Variants in TIMM10B observed in about 807,000 individuals in gnomAD.
TIMM10B encodes the protein mitochondrial import inner membrane translocase subunit Tim10 B.
TIMM10B carries 17 observed loss-of-function variants against 12.6 expected under a neutral mutation model. The observed-to-expected ratio is 1.35, with a 90% CI of 0.92 to 2.03. The LOEUF is 2.03. Ranked by LOEUF, TIMM10B falls within the 30% of genes most tolerant of loss-of-function variation. The pLI, the probability that TIMM10B is intolerant of heterozygous loss-of-function variation, is 0.00. For missense variants in TIMM10B, 165 were observed against 133.3 expected, an observed-to-expected ratio of 1.24 and a Z score of -1.17; for synonymous variants, 63 against 51.3, an observed-to-expected ratio of 1.23 and a Z score of -0.97.
At position 6,483,087 on chromosome 11, in the gene TIMM10B, A is replaced by G. The variant is rs1241527565; in HGVS notation, c.*866A>G. The stretch of plus-strand genomic sequence containing the variant: ...GTCTGTGTGGTTGTCTTCACGGGCA[A>G]TCAGGAAGGGAGAGAGCTGGGGACC... On this transcript the variant is annotated 3_prime_UTR_variant, in exon 3 of 3. Coordinates refer to ENST00000254616, the MANE Select transcript of TIMM10B (RefSeq NM_012192.4). 2.0e-5 allele frequency: 3 copies of G among 152,236 alleles called. No individual in the cohort carries two copies. Among genetic ancestry groups the G allele is most frequent in the Admixed American group, 6.5e-5 (1 of 15,276 alleles). The allele number at this position is 152,236 out of a possible 1,614,324, so 9.4% of individuals were successfully genotyped here.
chr11:6,482,836 C>T lies in TIMM10B; in HGVS notation c.*615C>T, dbSNP rs900903783. 3 of 152,254 alleles carry T rather than the reference C, an allele frequency of 2.0e-5. No homozygotes were observed. Among genetic ancestry groups the T allele is most frequent in the African/African-American group, 7.2e-5 (3 of 41,416 alleles). The allele number at this position is 152,254 out of a possible 1,614,324, so 9.4% of individuals were successfully genotyped here. A position where few individuals can be genotyped will look rare whatever the true frequency, so the allele number is the denominator to read the frequency against. On this transcript the variant is annotated 3_prime_UTR_variant, in exon 3 of 3. Coordinates refer to ENST00000254616, the MANE Select transcript of TIMM10B (RefSeq NM_012192.4). Reference sequence around the variant, plus strand: ...GTTTTGTGAACTATGTCTTACATGTCTAGAGTTCTGCTGGATCTAGGGAAA... The same window carrying T: ...GTTTTGTGAACTATGTCTTACATGTTTAGAGTTCTGCTGGATCTAGGGAAA...
In TIMM10B at chr11:6,483,452, T is replaced by G. The variant is rs1407660260; in HGVS notation, c.*1231T>G. 6.6e-6 allele frequency: 1 copy of G among 152,278 alleles called. No individual in the cohort carries two copies. The highest frequency in any genetic ancestry group is 1.9e-4 in the East Asian group (1 of 5,200). The allele number at this position is 152,278 out of a possible 1,614,324, so 9.4% of individuals were successfully genotyped here. ...TTTCTTGCCACCATTGGCCATCTTT[T>G]TGTATCATTCCACTTATTCTGTCTT... On this transcript the variant is annotated 3_prime_UTR_variant, in exon 3 of 3. Coordinates refer to ENST00000254616, the MANE Select transcript of TIMM10B (RefSeq NM_012192.4).
At chr11:6,481,920 C>T in intron 2 of TIMM10B, 68 bp downstream of exon 2, 2 of 1,604,690 alleles carry the variant, frequency 1.2e-6, no homozygotes, top group Non-Finnish European at 8.5e-7. Flanking sequence ...CCTCCTCACC[C>T]CACTTCCCGT....
chr11:6,481,821 G>A lies in TIMM10B; in HGVS notation c.104G>A (p.Ser35Asn). The A allele has an allele frequency of 6.2e-7, 1 of 1,613,814 alleles. No individual in the cohort carries two copies. The highest frequency in any genetic ancestry group is 1.1e-5 in the South Asian group (1 of 91,064). ...CTCTGCTTCCAGCGCTGTGTGCCCA[G>A]CTTGCACCACCGAGCTCTGGACGCT... ...TELCFQRCVP[S>N]LHHRALDAEE... The change falls in exon 2 of 3, where the codon AGC (serine) becomes AAC (asparagine). Residue 35 changes from serine (S) to asparagine (N), a missense_variant. Coordinates refer to ENST00000254616, the MANE Select transcript of TIMM10B (RefSeq NM_012192.4).
intron 2 of TIMM10B, 36 bp downstream of exon 2, chr11:6,481,888 G>C (rs1214777628): frequency 5.0e-6 from 8 of 1,611,904 alleles, no homozygotes; most frequent in Middle Eastern, 1.7e-4. Context: ...GCTGCAAGAA[G>C]AGTTTAGCGG....
In TIMM10B at chr11:6,483,562, G is replaced by T. The variant is rs1457178420; in HGVS notation, c.*1341G>T. On this transcript the variant is annotated 3_prime_UTR_variant, in exon 3 of 3. Transcript: ENST00000254616. ...ATTCAAGGCCTCCAACCTCAGCCAA[G>T]TCCTCACACCAACACGCAGTCACAC... 1 of 152,340 alleles carries T rather than the reference G, an allele frequency of 6.6e-6. No individual in the cohort carries two copies. The highest frequency in any genetic ancestry group is 2.4e-5 in the African/African-American group (1 of 41,414). The allele number at this position is 152,340 out of a possible 1,614,324, so 9.4% of individuals were successfully genotyped here.
rs1003530884 is a variant in TIMM10B, at chr11:6,482,985, T to A, written c.*764T>A. ...AAGAAGTCTGGAGTCTTTTGGAACT[T>A]CAGCCATTTCCCCAGGTTGTTACTT... On this transcript the variant is annotated 3_prime_UTR_variant, in exon 3 of 3. Coordinates refer to ENST00000254616, the MANE Select transcript of TIMM10B (RefSeq NM_012192.4). 1 of 152,194 alleles carries A rather than the reference T, an allele frequency of 6.6e-6. No individual in the cohort carries two copies. The highest frequency in any genetic ancestry group is 1.5e-5 in the Non-Finnish European group (1 of 68,038). The allele number at this position is 152,194 out of a possible 1,614,324, so 9.4% of individuals were successfully genotyped here.
chr11:6,481,801 C>T lies in TIMM10B; in HGVS notation c.84C>T (p.Cys28=), dbSNP rs1721554085. 6.2e-6 allele frequency: 10 copies of T among 1,613,996 alleles called. No individual in the cohort carries two copies. Among genetic ancestry groups the T allele is most frequent in the Non-Finnish European group, 8.5e-6 (10 of 1,180,042 alleles). The part of the protein sequence containing the change: ...LLVYNRMTEL[C]FQRCVPSLHH... Reference sequence around the variant, plus strand: ...TCTACAATCGGATGACAGAACTCTGCTTCCAGCGCTGTGTGCCCAGCTTGC... The same window carrying T: ...TCTACAATCGGATGACAGAACTCTGTTTCCAGCGCTGTGTGCCCAGCTTGC... The change falls in exon 2 of 3, where the codon TGC becomes TGT. Residue 28 remains cysteine (C), a synonymous_variant. Transcript: ENST00000254616.
At position 6,481,844 on chromosome 11, in the gene TIMM10B, G is replaced by C. The variant is rs778104776; in HGVS notation, c.127G>C (p.Ala43Pro). ...VPSLHHRALD[A>P]EEEACLHSCA... ...CAGCTTGCACCACCGAGCTCTGGAC[G>C]CTGAGGAGGTGGGGAACTGTGTAGG... is the stretch of plus-strand genomic sequence containing the variant. The change falls in exon 2 of 3, where the codon GCT becomes CCT. Residue 43 changes from alanine (A) to proline (P), a missense_variant. Physicochemically the swap from Ala to Pro is conservative, Grantham distance 27. Coordinates refer to ENST00000254616, the MANE Select transcript of TIMM10B (RefSeq NM_012192.4). The C allele has an allele frequency of 6.2e-7, 1 of 1,613,774 alleles. No homozygotes were observed. Among genetic ancestry groups the C allele is most frequent in the South Asian group, 1.1e-5 (1 of 91,078 alleles).
intron 1 of TIMM10B, 91 bp downstream of exon 1, chr11:6,481,646 G>T: frequency 1.3e-6 from 2 of 1,578,980 alleles, no homozygotes; most frequent in South Asian, 1.1e-5. Flanking sequence ...GGATTTGAGG[G>T]CTGGAAACTT....
intron 1 of TIMM10B, 27 bp from the exon 2 acceptor site, chr11:6,481,730 G>A (rs1342369135): frequency 6.2e-7 from 1 of 1,613,958 alleles, no homozygotes; most frequent in Non-Finnish European, 8.5e-7. Context: ...CCTTATCGCT[G>A]AGTTTGTGGT....
At chr11:6,481,996 A>G (rs751421349) in intron 2 of TIMM10B, 49 bp from the exon 3 acceptor site, 2 of 1,596,120 alleles carry the variant, frequency 1.3e-6, no homozygotes, top group South Asian at 2.2e-5. Context: ...AAGGAGGCGG[A>G]CCCGACAGGG....
rs909526248 is a variant in TIMM10B, at chr11:6,483,735, C to T, written c.*1514C>T. On this transcript the variant is annotated 3_prime_UTR_variant, in exon 3 of 3. Coordinates refer to ENST00000254616, the MANE Select transcript of TIMM10B (RefSeq NM_012192.4). ...TTTTAGAGAAATTGAAGCTCTTAGA[C>T]ATTGGTTTCCACAGTAATAATTTTA... The T allele has an allele frequency of 6.6e-6, 1 of 152,210 alleles. No homozygotes were observed. The highest frequency in any genetic ancestry group is 2.4e-5 in the African/African-American group (1 of 41,452). 9.4% of individuals were successfully genotyped at this position (152,210 alleles called of 1,614,324 possible). A position where few individuals can be genotyped will look rare whatever the true frequency, so the allele number is the denominator to read the frequency against.
At chr11:6,481,720 C>T (rs369715747) in intron 1 of TIMM10B, 37 bp from the exon 2 acceptor site, 67 of 1,613,676 alleles carry the variant, frequency 4.2e-5, no homozygotes, top group Middle Eastern at 1.6e-4. Context: ...AGTGTGGGGC[C>T]CTTATCGCTG....
In TIMM10B at chr11:6,482,272, G is replaced by A. The variant is rs1851826113; in HGVS notation, c.*51G>A. 1.3e-6 allele frequency: 2 copies of A among 1,524,814 alleles called. No homozygotes were observed. The highest frequency in any genetic ancestry group is 2.0e-4 in the Middle Eastern group (1 of 4,994). 94.5% of individuals were successfully genotyped at this position (1,524,814 alleles called of 1,614,324 possible). A position where few individuals can be genotyped will look rare whatever the true frequency, so the allele number is the denominator to read the frequency against. ...CCTTGGATGGACCCTCAGATTGAAG[G>A]ACCCGGTGGACCTTGGGGTTGGTGA... On this transcript the variant is annotated 3_prime_UTR_variant, in exon 3 of 3. Coordinates refer to ENST00000254616, the MANE Select transcript of TIMM10B (RefSeq NM_012192.4).
At chr11:6,481,988 G>A (rs1221814635) in intron 2 of TIMM10B, 57 bp from the exon 3 acceptor site, 5 of 1,595,262 alleles carry the variant, frequency 3.1e-6, no homozygotes, top group Non-Finnish European at 4.3e-6. Context: ...GGGGAAGAAA[G>A]GAGGCGGACC....
Position 6,483,193 on chromosome 11 carries a change from A to C in TIMM10B, c.*972A>C, listed in dbSNP as rs1046758412. 2 of 152,174 alleles carry C rather than the reference A, an allele frequency of 1.3e-5. No individual in the cohort carries two copies. The highest frequency in any genetic ancestry group is 3.8e-4 in the East Asian group (2 of 5,196). The allele number at this position is 152,174 out of a possible 1,614,324, so 9.4% of individuals were successfully genotyped here. ...GCAATGGTTATGATAAAAAGGGATAAAACTAAATCTTCGGGACTTCTTTAA... is the reference window on the plus strand; with the variant it reads ...GCAATGGTTATGATAAAAAGGGATACAACTAAATCTTCGGGACTTCTTTAA... On this transcript the variant is annotated 3_prime_UTR_variant, in exon 3 of 3. Transcript: ENST00000254616.
rs1851855365 is a variant in TIMM10B at position 6,482,944 on chromosome 11, G to A, written c.*723G>A. 1 of 152,248 alleles carries A rather than the reference G, an allele frequency of 6.6e-6. No homozygotes were observed. The highest frequency in any genetic ancestry group is 1.5e-5 in the Non-Finnish European group (1 of 68,048). 9.4% of individuals were successfully genotyped at this position (152,248 alleles called of 1,614,324 possible). ...CCTTGGGAAGTTAGTGGCCACAGAAGAGAGATGAAACCTGTAAGAAGTCTG... is the reference window on the plus strand; with the variant it reads ...CCTTGGGAAGTTAGTGGCCACAGAAAAGAGATGAAACCTGTAAGAAGTCTG... On this transcript the variant is annotated 3_prime_UTR_variant, in exon 3 of 3. Coordinates refer to ENST00000254616, the MANE Select transcript of TIMM10B (RefSeq NM_012192.4).
Position 6,484,069 on chromosome 11 carries a change from G to A in TIMM10B, c.*1848G>A, listed in dbSNP as rs1218390727. 3 of 151,630 alleles carry A rather than the reference G, an allele frequency of 2.0e-5. No homozygotes were observed. Among genetic ancestry groups the A allele is most frequent in the African/African-American group, 7.3e-5 (3 of 41,262 alleles). 9.4% of individuals were successfully genotyped at this position (151,630 alleles called of 1,614,324 possible). ...CCAGAAGGCACATTCTGCAGATTTCGTGCAAACATTTATACACAGCTTCTT... is the reference window on the plus strand; with the variant it reads ...CCAGAAGGCACATTCTGCAGATTTCATGCAAACATTTATACACAGCTTCTT... On this transcript the variant is annotated 3_prime_UTR_variant, in exon 3 of 3. Transcript: ENST00000254616.
Sources: allele counts gnomAD v4.1 joint callset, GRCh38; gene constraint gnomAD v4.1.1; transcripts MANE v1.5; gene names NCBI Gene and HGNC (gene_info 2026-07-23, HGNC 2026-07-21).